Variants in GPAM observed in about 807,000 individuals in gnomAD.
GPAM encodes the protein glycerol-3-phosphate acyltransferase, mitochondrial.
In GPAM, 56 loss-of-function variants were observed where a neutral mutation model predicts 105.0. The ratio of observed to expected loss-of-function variants is 0.53; its 90% CI spans 0.43 to 0.67. GPAM has a LOEUF of 0.67. Ranked by LOEUF, GPAM falls within the 30% of genes least tolerant of loss-of-function variation. The pLI, the probability that GPAM is intolerant of heterozygous loss-of-function variation, is 0.00. For synonymous variants in GPAM, 368 were observed against 354.4 expected (o/e 1.04, Z -0.43); for missense variants, 855 against 989.8 (o/e 0.86, Z 1.83).
At position 112,149,961 on chromosome 10, in the gene GPAM, G is replaced by C. The variant is rs989998168; in HGVS notation, c.*3589C>G. 29 of 985,282 alleles carry C rather than the reference G, an allele frequency of 2.9e-5. No homozygotes were observed. The African/African-American group carries it at 4.9e-4, about 17-fold the overall frequency. The allele number at this position is 985,282 out of a possible 1,614,324, so 61.0% of individuals were successfully genotyped here. On this transcript the variant is annotated 3_prime_UTR_variant, in exon 22 of 22. Coordinates refer to ENST00000348367, the MANE Select transcript of GPAM (RefSeq NM_001244949.2). ...AAAATCAATCAGCATTTCCAAGTAT[G>C]TTTTGCTCACAAAATCGCAGTTATT...
intron 1 of GPAM, among the ~76,000 whole-genome samples, chr10:112,212,264 C>T (rs1052479281): frequency 7.2e-5 from 11 of 152,074 alleles, no homozygotes; most frequent in African/African-American, 2.2e-4. Context: ...TTCCGGTTTT[C>T]GCTGTTACTT....
chr10:112,197,536 T>C (rs953581123), intron 1 of GPAM, among the ~76,000 whole-genome samples: 10 of 151,198 alleles, frequency 6.6e-5, no homozygotes, highest in African/African-American at 2.4e-4. Flanking sequence ...GTGCACATTG[T>C]GCAGGTTAGT....
chr10:112,188,319 C>A (rs1280466702), upstream of GPAM, among the ~76,000 whole-genome samples: 1 of 152,146 alleles, frequency 6.6e-6, no homozygotes, highest in Admixed American at 6.5e-5. Context: ...GGAGGACACA[C>A]ATTATTGATA....
At chr10:112,177,625 T>C (rs1287852217) in intron 5 of GPAM, among the ~76,000 whole-genome samples, 1 of 152,260 alleles carries the variant, frequency 6.6e-6, no homozygotes, top group Non-Finnish European at 1.5e-5. Context: ...CAATAATTTA[T>C]ACTTTTTTTA....
rs1022656306 is a variant in GPAM at position 112,182,819 on chromosome 10, T to C, written c.-55A>G. The C allele has an allele frequency of 5.3e-5, 8 of 152,222 alleles. No individual in the cohort carries two copies. The highest frequency in any genetic ancestry group is 1.7e-4 in the African/African-American group (7 of 41,462). The allele number at this position is 152,222 out of a possible 1,614,324, so 9.4% of individuals were successfully genotyped here. ...CTGGGATGAAAGTTCTTCTGTTTCA[T>C]AACATAAAACTTCAGGACTCAGCTA... On this transcript the variant is annotated 5_prime_UTR_variant, in exon 2 of 22. The change abolishes an upstream ATG in the 5' untranslated region. Coordinates refer to ENST00000348367, the MANE Select transcript of GPAM (RefSeq NM_001244949.2).
At chr10:112,154,540 C>A (rs975617399) in intron 21 of GPAM, 89 bp downstream of exon 21, 108 of 964,074 alleles carry the variant, frequency 1.1e-4, no homozygotes, top group Non-Finnish European at 2.5e-5. Context: ...TCTCGGGGTC[C>A]ACCCCACCAC....
chr10:112,175,946 T>C (rs1327452877), intron 5 of GPAM, among the ~76,000 whole-genome samples: 4 of 152,340 alleles, frequency 2.6e-5, no homozygotes, highest in Non-Finnish European at 4.4e-5. Context: ...GTTTGAATAG[T>C]GTTACTGTGC....
At chr10:112,161,909 A>G (rs540325249) in intron 14 of GPAM, among the ~76,000 whole-genome samples, 172 bp from the exon 15 acceptor site, 1 of 152,374 alleles carries the variant, frequency 6.6e-6, no homozygotes, top group Admixed American at 6.5e-5. Context: ...GTGTTCTGGT[A>G]TAATGGAACC....
chr10:112,166,859 CAAG>C (rs1340779056), intron 11 of GPAM, among the ~76,000 whole-genome samples: 3 of 152,066 alleles, frequency 2.0e-5, no homozygotes, highest in Non-Finnish European at 2.9e-5. Flanking sequence ...GGTTCTTAAA[CAAG>C]AATAAAACAT....
chr10:112,199,081 C>G (rs1305507044), intron 1 of GPAM, among the ~76,000 whole-genome samples: 2 of 141,166 alleles, frequency 1.4e-5, no homozygotes, highest in African/African-American at 5.4e-5. Context: ...CGCCGCCACG[C>G]CTGGCTAATG....
At chr10:112,187,739 C>A (rs142514480), upstream of GPAM, among the ~76,000 whole-genome samples, 450 of 152,064 alleles carry the variant, frequency 3.0e-3, 2 homozygotes, top group African/African-American at 9.4e-3. Context: ...ACATGCCACC[C>A]AATAACAGGA....
intron 20 of GPAM, chr10:112,155,644 T>C (rs530717920): frequency 7.9e-5 from 37 of 469,708 alleles, no homozygotes; most frequent in South Asian, 7.5e-4. Context: ...ATGCAACATG[T>C]ATGAATCTCA....
In GPAM at chr10:112,151,286, C is replaced by T. The variant is rs573196130; in HGVS notation, c.*2264G>A. Reference sequence around the variant, plus strand: ...AATGAGAATGTATCTTTTAGCAAAACGGTGCTATCTGGAAGCTTCATTGTG... The same window carrying T: ...AATGAGAATGTATCTTTTAGCAAAATGGTGCTATCTGGAAGCTTCATTGTG... On this transcript the variant is annotated 3_prime_UTR_variant, in exon 22 of 22. Transcript: ENST00000348367. 2.3e-4 allele frequency: 228 copies of T among 985,604 alleles called. 1 individual carries two copies. The South Asian group carries it at 8.5e-3, about 37-fold the overall frequency. 61.1% of individuals were successfully genotyped at this position (985,604 alleles called of 1,614,324 possible).
At chr10:112,181,866 T>C (rs1285581370) in intron 2 of GPAM, 53 bp from the exon 3 acceptor site, 3 of 809,772 alleles carry the variant, frequency 3.7e-6, no homozygotes, top group African/African-American at 3.4e-5. Flanking sequence ...GAGTAAATAC[T>C]AGAACTCAAA....
chr10:112,208,228 A>C (rs540028662), intron 1 of GPAM, among the ~76,000 whole-genome samples: 1 of 152,230 alleles, frequency 6.6e-6, no homozygotes, highest in South Asian at 2.1e-4. Flanking sequence ...CATCTTTTGC[A>C]GCAGTCTCTA....
At chr10:112,173,908 T>G in intron 6 of GPAM, 63 bp from the exon 7 acceptor site, 1 of 1,300,200 alleles carries the variant, frequency 7.7e-7, no homozygotes, top group East Asian at 2.3e-5. Flanking sequence ...GTATTCAGTA[T>G]TTTCTAAACT....
At chr10:112,166,841 A>G (rs1847226697) in intron 11 of GPAM, among the ~76,000 whole-genome samples, 1 of 152,158 alleles carries the variant, frequency 6.6e-6, no homozygotes, top group South Asian at 2.1e-4. Flanking sequence ...AGCCTGGAAA[A>G]CTTCTGTGGT....
chr10:112,218,162 T>C (rs1196579720), upstream of GPAM, among the ~76,000 whole-genome samples: 2 of 152,214 alleles, frequency 1.3e-5, no homozygotes, highest in African/African-American at 4.8e-5. Flanking sequence ...CTGAGGGCAG[T>C]GCCTCTGCAG....
intron 9 of GPAM, among the ~76,000 whole-genome samples, chr10:112,171,103 A>C (rs1337554019): frequency 6.6e-6 from 1 of 152,166 alleles, no homozygotes; most frequent in African/African-American, 2.4e-5. Context: ...CTACCCACAG[A>C]GCTGACCTTA....
Sources: gnomAD v4.1 joint callset for allele counts (sites outside exome capture counted in the v4.1 genomes callset) on GRCh38, gnomAD v4.1.1 for gene constraint, MANE v1.5 for transcripts, NCBI Gene and HGNC (gene_info 2026-07-23, HGNC 2026-07-21) for gene names.